ASB7: variants seen among roughly 807,000 people sequenced by gnomAD.
ASB7 encodes ankyrin repeat and SOCS box protein 7.
ASB7 carries 4 observed loss-of-function variants against 32.5 expected under a neutral mutation model. The observed-to-expected ratio is 0.12, with a 90% confidence interval of 0.06 to 0.28. The LOEUF is 0.28. ASB7 is among the 10% of genes least tolerant of loss of function. The pLI, the probability that ASB7 is intolerant of heterozygous loss-of-function variation, is 1.00. For missense variants in ASB7, 181 were observed against 407.1 expected (o/e 0.44, Z 4.78); for synonymous variants, 172 against 155.6 (o/e 1.11, Z -0.78).
intron 5 of ASB7, among the ~76,000 whole-genome samples, chr15:100,642,073 T>C (rs1376464562): frequency 6.6e-6 from 1 of 150,920 alleles, no homozygotes; most frequent in Non-Finnish European, 1.5e-5. Flanking sequence ...CAAGAAACCT[T>C]TAAAAGGTCA....
intron 2 of ASB7, among the ~76,000 whole-genome samples, chr15:100,604,361 G>A (rs1237424880): frequency 2.0e-5 from 3 of 152,124 alleles, no homozygotes; most frequent in African/African-American, 4.8e-5. Flanking sequence ...TTAGCCAAAT[G>A]GATGACTTTT....
chr15:100,606,355 A>G (rs2039644928), intron 2 of ASB7, among the ~76,000 whole-genome samples: 1 of 152,216 alleles, frequency 6.6e-6, no homozygotes, highest in Admixed American at 6.5e-5. Flanking sequence ...AGCACAGTTC[A>G]GTTTGCATCA....
At chr15:100,618,472 G>A (rs1028216965) in intron 4 of ASB7, among the ~76,000 whole-genome samples, 1 of 152,172 alleles carries the variant, frequency 6.6e-6, no homozygotes, top group Non-Finnish European at 1.5e-5. Flanking sequence ...GGCTCCTCCT[G>A]TTAGTAGCTC....
At chr15:100,645,769 A>G in intron 5 of ASB7, 1 of 1,578,540 alleles carries the variant, frequency 6.3e-7, no homozygotes, top group Non-Finnish European at 8.7e-7. Context: ...GAGAATAGGA[A>G]ATACAATTAA....
Position 100,629,609 on chromosome 15 carries a change from C to T in ASB7, c.384C>T (p.Gly128=), listed in dbSNP as rs763299210. ...WTPLHVAAHY[G]RDSFVRLLLE... The stretch of plus-strand genomic sequence containing the variant: ...CCCTCCATGTGGCTGCCCACTACGG[C>T]AGGGACTCATTTGTCCGGCTCCTCC... The change falls in exon 5 of 6, where the codon GGC becomes GGT. Residue 128 remains glycine (G), a synonymous_variant. Transcript: ENST00000332783. The surrounding 1 kb of genome is among the most constrained non-coding windows in gnomAD (Gnocchi z 6.8). 1.2e-6 allele frequency: 2 copies of T among 1,614,186 alleles called. No homozygotes were observed. Among genetic ancestry groups the T allele is most frequent in the South Asian group, 2.2e-5 (2 of 91,082 alleles).
At chr15:100,644,860 T>A (rs778459319) in intron 5 of ASB7, among the ~76,000 whole-genome samples, 1 of 152,238 alleles carries the variant, frequency 6.6e-6, no homozygotes, top group Non-Finnish European at 1.5e-5. Flanking sequence ...TACAGATCCA[T>A]GTACAGACAT....
intron 5 of ASB7, chr15:100,645,813 G>A (rs763752082): frequency 1.4e-6 from 2 of 1,422,236 alleles, no homozygotes; most frequent in Admixed American, 3.4e-5. Flanking sequence ...ACTTAAGATT[G>A]CCAAACGCGA....
chr15:100,614,742 CAAA>C (rs58705118), intron 4 of ASB7, among the ~76,000 whole-genome samples: 19 of 57,206 alleles, frequency 3.3e-4, no homozygotes, highest in Admixed American at 6.4e-4. Flanking sequence ...AGCTGATGAG[CAAA>C]AAAAAAAAAA....
chr15:100,612,447 A>G lies in ASB7; in HGVS notation c.211+20A>G. The G allele has an allele frequency of 6.4e-7, 1 of 1,568,294 alleles. No homozygotes were observed. On this transcript the variant is annotated intron_variant, in intron 4 of 5. Coordinates refer to ENST00000332783, the MANE Select transcript of ASB7 (RefSeq NM_198243.3). Reference sequence around the variant, plus strand: ...ACGGAGGTGAGTTTTGTAGAAGCAAATCTTTTTCCCCATGGAGAAACATAA... The same window carrying G: ...ACGGAGGTGAGTTTTGTAGAAGCAAGTCTTTTTCCCCATGGAGAAACATAA...
intron 5 of ASB7, chr15:100,646,417 A>G (rs1261387484): frequency 1.2e-5 from 5 of 417,776 alleles, no homozygotes; most frequent in Non-Finnish European, 2.0e-5. Context: ...TCTTTCCACA[A>G]CTTCTTTTAA....
At chr15:100,639,387 G>A (rs1008129769) in intron 5 of ASB7, among the ~76,000 whole-genome samples, 3 of 152,138 alleles carry the variant, frequency 2.0e-5, no homozygotes, top group Admixed American at 1.3e-4. Flanking sequence ...TAAAGGCAGC[G>A]TTTCAAACTT....
chr15:100,640,246 G>A (rs922122749), intron 5 of ASB7, among the ~76,000 whole-genome samples: 8 of 152,074 alleles, frequency 5.3e-5, no homozygotes, highest in East Asian at 1.9e-4. Flanking sequence ...CAAGGCTCAC[G>A]CAATTCTCCT....
chr15:100,623,796 A>C (rs1441725092), intron 4 of ASB7, among the ~76,000 whole-genome samples: 1 of 152,216 alleles, frequency 6.6e-6, no homozygotes, highest in Admixed American at 6.5e-5. Flanking sequence ...CATTTCTCAA[A>C]TAAACTAAAA....
chr15:100,648,186 T>C, intron 5 of ASB7, 137 bp from the exon 6 acceptor site: 3 of 898,956 alleles, frequency 3.3e-6, no homozygotes, highest in African/African-American at 1.7e-5. Context: ...TAGGACACTT[T>C]GAGTTGGTAT....
chr15:100,643,477 CTTT>C (rs1172063471), intron 5 of ASB7, among the ~76,000 whole-genome samples: 1 of 104,380 alleles, frequency 9.6e-6, no homozygotes, highest in Non-Finnish European at 1.9e-5. Flanking sequence ...GTCCCTTCTT[CTTT>C]TTTTTTTTTT....
At chr15:100,606,549 T>C (rs920907732) in intron 2 of ASB7, among the ~76,000 whole-genome samples, 1 of 152,258 alleles carries the variant, frequency 6.6e-6, no homozygotes, top group African/African-American at 2.4e-5. Flanking sequence ...TTCTATCATA[T>C]AGACTTAACT....
chr15:100,644,375 T>G (rs2039983386), intron 5 of ASB7, among the ~76,000 whole-genome samples: 1 of 152,228 alleles, frequency 6.6e-6, no homozygotes, highest in African/African-American at 2.4e-5. Context: ...CTGTAAGCAT[T>G]TACTGAAAAA....
At chr15:100,619,582 T>C (rs1284997202) in intron 4 of ASB7, among the ~76,000 whole-genome samples, 1 of 152,204 alleles carries the variant, frequency 6.6e-6, no homozygotes, top group Non-Finnish European at 1.5e-5. Context: ...GCTAGCCAGA[T>C]GCAGTTTAAT....
At chr15:100,619,230 C>T (rs2141393477) in intron 4 of ASB7, among the ~76,000 whole-genome samples, 1 of 152,212 alleles carries the variant, frequency 6.6e-6, no homozygotes, top group African/African-American at 2.4e-5. Context: ...ACTCAGGGGG[C>T]ACTGCGTGTG....
Sources: allele counts gnomAD v4.1 joint callset (sites outside exome capture counted in the v4.1 genomes callset), GRCh38; gene constraint gnomAD v4.1.1; non-coding constraint Gnocchi (gnomAD v3.1); transcripts MANE v1.5; gene names NCBI Gene and HGNC (gene_info 2026-07-23, HGNC 2026-07-21).